LPCAT2: variants seen among roughly 807,000 people sequenced by gnomAD.
LPCAT2 encodes 1-AGP acyltransferase 11.
In LPCAT2, 58 loss-of-function variants were observed where a neutral mutation model predicts 64.7. The observed-to-expected ratio is 0.90, with a 90% CI of 0.73 to 1.12. LPCAT2 has a LOEUF of 1.12. Ranked by LOEUF, LPCAT2 falls within the 50% of genes most tolerant of loss-of-function variation. LPCAT2 has a pLI of 0.00. For missense variants in LPCAT2, 579 were observed against 669.8 expected, an observed-to-expected ratio of 0.86 and a Z score of 1.50; for synonymous variants, 252 against 245.3, an observed-to-expected ratio of 1.03 and a Z score of -0.26.
chr16:55,519,921 G>T (rs1441046624), intron 1 of LPCAT2, among the ~76,000 whole-genome samples: 2 of 151,952 alleles, frequency 1.3e-5, no homozygotes, highest in Admixed American at 6.6e-5. Flanking sequence ...AGCCATAAAA[G>T]AAATTTAAAT....
At chr16:55,543,799 C>T (rs1460504911) in intron 8 of LPCAT2, among the ~76,000 whole-genome samples, 1 of 152,208 alleles carries the variant, frequency 6.6e-6, no homozygotes, top group Non-Finnish European at 1.5e-5. Context: ...CACTGAGGCT[C>T]ATAAAGGCTA....
chr16:55,569,974 A>G (rs1567405889), intron 11 of LPCAT2, among the ~76,000 whole-genome samples: 2 of 152,228 alleles, frequency 1.3e-5, no homozygotes, highest in Non-Finnish European at 2.9e-5. Context: ...CCTAAGATTT[A>G]TATAATTCAT....
At chr16:55,573,794 G>A (rs1449233014) in intron 11 of LPCAT2, among the ~76,000 whole-genome samples, 5 of 150,594 alleles carry the variant, frequency 3.3e-5, no homozygotes, top group East Asian at 2.0e-4. Context: ...TTAGTTCTCT[G>A]TCTGGCCTCT....
intron 8 of LPCAT2, chr16:55,541,730 GATA>G (rs1237306590): frequency 2.1e-6 from 1 of 473,232 alleles, no homozygotes; most frequent in African/African-American, 2.1e-5. Context: ...CAAAAATGGG[GATA>G]ATGACAGAAA....
chr16:55,555,156 AG>A (rs1165588705), intron 11 of LPCAT2, among the ~76,000 whole-genome samples: 1 of 152,256 alleles, frequency 6.6e-6, no homozygotes, highest in Non-Finnish European at 1.5e-5. Flanking sequence ...TTGCTCATAC[AG>A]GGTTGTTACA....
At chr16:55,532,037 T>C (rs1195586633) in intron 5 of LPCAT2, 63 bp downstream of exon 5, 3 of 1,048,028 alleles carry the variant, frequency 2.9e-6, no homozygotes, top group Admixed American at 3.7e-5. Context: ...AATGATTTTA[T>C]AGAAATACAC....
intron 2 of LPCAT2, among the ~76,000 whole-genome samples, chr16:55,526,636 C>T (rs569534417): frequency 6.6e-6 from 1 of 152,270 alleles, no homozygotes; most frequent in African/African-American, 2.4e-5. Flanking sequence ...GCAAATCATA[C>T]TCCTTTGTTT....
intron 11 of LPCAT2, among the ~76,000 whole-genome samples, chr16:55,562,321 C>G (rs1238286765): frequency 2.1e-4 from 32 of 151,872 alleles, no homozygotes; most frequent in Non-Finnish European, 2.9e-5. Context: ...TGTAGTCAGG[C>G]CTACACATGA....
intron 1 of LPCAT2, among the ~76,000 whole-genome samples, chr16:55,523,581 T>G (rs1963128400): frequency 1.3e-5 from 2 of 151,820 alleles, no homozygotes; most frequent in African/African-American, 4.8e-5. Flanking sequence ...TACAATTGAA[T>G]AGTACTCTCC....
intron 10 of LPCAT2, 47 bp from the exon 11 acceptor site, chr16:55,550,902 A>G (rs775234482): frequency 5.8e-6 from 8 of 1,375,958 alleles, no homozygotes; most frequent in Non-Finnish European, 7.7e-6. Context: ...GTGCATGTGA[A>G]TTGTAAAGGG....
chr16:55,529,050 C>A (rs928597864), intron 3 of LPCAT2, among the ~76,000 whole-genome samples: 1 of 152,178 alleles, frequency 6.6e-6, no homozygotes, highest in African/African-American at 2.4e-5. Flanking sequence ...CATGAGGGAC[C>A]TATGTGTAGC....
At chr16:55,565,478 A>T (rs1302920508) in intron 11 of LPCAT2, among the ~76,000 whole-genome samples, 2 of 152,168 alleles carry the variant, frequency 1.3e-5, no homozygotes, top group Non-Finnish European at 2.9e-5. Context: ...GATAATGGAA[A>T]AACAAAATGA....
intron 1 of LPCAT2, among the ~76,000 whole-genome samples, chr16:55,524,839 T>G (rs1445750671): frequency 6.6e-6 from 1 of 152,098 alleles, no homozygotes; most frequent in East Asian, 1.9e-4. Flanking sequence ...CCCTCTGTGT[T>G]ACTCCTTTCT....
intron 8 of LPCAT2, chr16:55,540,004 A>G (rs1453417909): frequency 6.6e-6 from 1 of 152,102 alleles, no homozygotes; most frequent in Non-Finnish European, 1.5e-5. Flanking sequence ...ATGACACCCC[A>G]TTATGTTGGC....
At chr16:55,555,398 G>A (rs1963563297) in intron 11 of LPCAT2, among the ~76,000 whole-genome samples, 1 of 152,150 alleles carries the variant, frequency 6.6e-6, no homozygotes, top group Non-Finnish European at 1.5e-5. Flanking sequence ...TCCAGAGGTA[G>A]TTGCTTATTG....
At chr16:55,565,597 G>A (rs1394972376) in intron 11 of LPCAT2, among the ~76,000 whole-genome samples, 4 of 152,040 alleles carry the variant, frequency 2.6e-5, no homozygotes, top group Non-Finnish European at 5.9e-5. Context: ...AAATAAGCAA[G>A]TCACAAAAGA....
At chr16:55,520,401 C>T (rs570201311) in intron 1 of LPCAT2, among the ~76,000 whole-genome samples, 43 of 151,900 alleles carry the variant, frequency 2.8e-4, no homozygotes, top group Non-Finnish European at 6.0e-4. Flanking sequence ...GAAAACTAAA[C>T]AAAGAAATAA....
At chr16:55,578,967 G>A in intron 12 of LPCAT2, 142 bp from the exon 13 acceptor site, 2 of 745,022 alleles carry the variant, frequency 2.7e-6, no homozygotes, top group Non-Finnish European at 2.3e-6. Flanking sequence ...TGTGAGGGTA[G>A]TAGAGATGAT....
chr16:55,546,647 T>A (rs1336216679), intron 9 of LPCAT2, among the ~76,000 whole-genome samples: 5 of 152,242 alleles, frequency 3.3e-5, no homozygotes, highest in Non-Finnish European at 7.3e-5. Context: ...CTAATATATG[T>A]ATCTTAATAT....
Sources: allele counts gnomAD v4.1 joint callset (sites outside exome capture counted in the v4.1 genomes callset), GRCh38; gene constraint gnomAD v4.1.1; transcripts MANE v1.5; gene names NCBI Gene and HGNC (gene_info 2026-07-23, HGNC 2026-07-21).